Variants in BCAR1 observed in about 807,000 individuals in gnomAD.
The protein encoded by BCAR1 is breast cancer anti-estrogen resistance protein 1.
In BCAR1, 30 loss-of-function variants were observed where a neutral mutation model predicts 67.6. The ratio of observed to expected loss-of-function variants is 0.44; its 90% CI spans 0.33 to 0.60. BCAR1 has a LOEUF of 0.60. BCAR1 is among the 20% of genes least tolerant of loss of function. BCAR1 has a pLI of 0.02. For missense variants in BCAR1, 1,313 were observed against 1,222.3 expected (o/e 1.07, Z -1.11); for synonymous variants, 626 against 556.7 (o/e 1.12, Z -1.75).
chr16:75,253,107 G>A (rs962057308), upstream of BCAR1, among the ~76,000 whole-genome samples: 7 of 152,154 alleles, frequency 4.6e-5, no homozygotes, highest in South Asian at 6.2e-4. Flanking sequence ...GTGCCTCCCC[G>A]ACACAGCCCG....
chr16:75,245,260 A>T (rs1040338933), intron 1 of BCAR1, among the ~76,000 whole-genome samples: 1 of 152,256 alleles, frequency 6.6e-6, no homozygotes, highest in African/African-American at 2.4e-5. Context: ...TACACACCAC[A>T]GAGCTGCCCC....
intron 1 of BCAR1, among the ~76,000 whole-genome samples, chr16:75,258,761 C>A (rs2077833784): frequency 1.3e-5 from 2 of 152,258 alleles, no homozygotes; most frequent in African/African-American, 4.8e-5. Flanking sequence ...CAGGAGCACA[C>A]AGAAGAAACC....
At chr16:75,253,202 C>G (rs1410690108), upstream of BCAR1, among the ~76,000 whole-genome samples, 1 of 152,202 alleles carries the variant, frequency 6.6e-6, no homozygotes, top group Non-Finnish European at 1.5e-5. Flanking sequence ...TGCCGGGCCC[C>G]TCCTGCACCC....
At chr16:75,266,022 G>A (rs1412972609) in intron 1 of BCAR1, 4 of 1,021,316 alleles carry the variant, frequency 3.9e-6, no homozygotes, top group South Asian at 4.6e-5. Flanking sequence ...CGCCCGCGCC[G>A]CCCCCCCCAC....
At chr16:75,258,817 C>T (rs149279429) in intron 1 of BCAR1, among the ~76,000 whole-genome samples, 1 of 152,236 alleles carries the variant, frequency 6.6e-6, no homozygotes, top group African/African-American at 2.4e-5. Context: ...CTACCCTCCT[C>T]AGGCTTGGCT....
In BCAR1 at chr16:75,235,332, G is replaced by A. The variant is rs753693100; in HGVS notation, c.1567C>T (p.Arg523Cys). ...TGGGCAGCATTGCCCACCGCGCTGC[G>A]GGCAAACTCCAACAGCTCGTGGACG... ...SAVHELLEFARSAVGNAAHTS... is the reference protein window; with the variant it reads ...SAVHELLEFACSAVGNAAHTS... The change falls in exon 5 of 7, where the codon CGC becomes TGC. Residue 523 changes from arginine (R) to cysteine (C), a missense_variant. By Grantham distance (180) the Arg-to-Cys change is radical. Around this residue, in one of 2 missense-constraint regions of BCAR1, gnomAD observed 1,272 missense variants for 1,137.5 expected, o/e 1.12. Coordinates refer to ENST00000162330, the MANE Select transcript of BCAR1 (RefSeq NM_014567.5). 1.1e-5 allele frequency: 17 copies of A among 1,601,788 alleles called. No individual in the cohort carries two copies. The highest frequency in any genetic ancestry group is 1.7e-5 in the Admixed American group (1 of 59,830).
upstream of BCAR1, chr16:75,251,955 G>C (rs2077691762): frequency 1.0e-5 from 6 of 576,196 alleles, 1 homozygote; most frequent in South Asian, 1.3e-4. Context: ...AGGCTGCCCG[G>C]TTTGCCTTCT....
rs144029807 is a variant in BCAR1 at position 75,229,542 on chromosome 16, C to T, written c.2582G>A (p.Arg861His). The change falls in exon 7 of 7, where the codon CGC becomes CAC. Residue 861 changes from arginine to histidine, a missense_variant. Arg to His is a conservative substitution (Grantham distance 29, BLOSUM62 0). This residue lies in a region of BCAR1 where 1,272 missense variants were observed against 1,137.5 expected (regional missense o/e 1.12). Coordinates refer to ENST00000162330, the MANE Select transcript of BCAR1 (RefSeq NM_014567.5). Reference sequence around the variant, plus strand: ...GGCTGCCAGCTGGCCTAGGACGCGGCGGAACTGCTGGGTGCTGTGGCCCAG... The same window carrying T: ...GGCTGCCAGCTGGCCTAGGACGCGGTGGAACTGCTGGGTGCTGTGGCCCAG... ...KELGHSTQQF[R>H]RVLGQLAAA is the part of the protein sequence containing the mutation. 6.2e-5 allele frequency: 99 copies of T among 1,597,680 alleles called. No homozygotes were observed. The highest frequency in any genetic ancestry group is 3.7e-4 in the Admixed American group (22 of 59,252).
In BCAR1 at chr16:75,263,945, G is replaced by C. The variant is rs984778996; in HGVS notation, c.66+3970C>G. On this transcript the variant is annotated intron_variant, in intron 1 of 6. Transcript: ENST00000393422. Reference sequence around the variant, plus strand: ...ACACTGCCCAAGGTCCCAGGAGAGAGAGCCACGGTGATCTGCCAGCCAGCC... The same window carrying C: ...ACACTGCCCAAGGTCCCAGGAGAGACAGCCACGGTGATCTGCCAGCCAGCC... 14 of 1,115,662 alleles carry C rather than the reference G, an allele frequency of 1.3e-5. No homozygotes were observed. The East Asian group carries it at 6.4e-4, about 51-fold the overall frequency. The allele number at this position is 1,115,662 out of a possible 1,614,324, so 69.1% of individuals were successfully genotyped here.
At chr16:75,250,019 G>A (rs928810035) in intron 1 of BCAR1, 2 of 152,386 alleles carry the variant, frequency 1.3e-5, no homozygotes, top group Admixed American at 6.5e-5. Context: ...GGCCCCTCCT[G>A]TACAGACAGG....
At chr16:75,250,306 C>G (rs2077639077) in intron 1 of BCAR1, among the ~76,000 whole-genome samples, 1 of 152,132 alleles carries the variant, frequency 6.6e-6, no homozygotes, top group Non-Finnish European at 1.5e-5. Flanking sequence ...GTACCTGGGC[C>G]CCGATTCTCC....
At chr16:75,254,991 A>G (rs190656149), upstream of BCAR1, among the ~76,000 whole-genome samples, 5 of 152,316 alleles carry the variant, frequency 3.3e-5, no homozygotes, top group East Asian at 1.9e-4. Flanking sequence ...TTCTTGCTCA[A>G]TGCTCACCAA....
At chr16:75,266,796 T>C in intron 1 of BCAR1, 1 of 1,434,766 alleles carries the variant, frequency 7.0e-7, no homozygotes, top group Non-Finnish European at 9.3e-7. Flanking sequence ...CAAGTGGGGC[T>C]GGGGTCCAGA....
At position 75,229,538 on chromosome 16, in the gene BCAR1, G is replaced by A. The variant is rs773659357; in HGVS notation, c.2586C>T (p.Arg862=). ...ELGHSTQQFR[R]VLGQLAAA is the part of the protein sequence containing the mutation. The stretch of plus-strand genomic sequence containing the variant: ...AGGCGGCTGCCAGCTGGCCTAGGAC[G>A]CGGCGGAACTGCTGGGTGCTGTGGC... The change falls in exon 7 of 7, where the codon CGC becomes CGT. Residue 862 remains arginine, a synonymous_variant. Transcript: ENST00000162330. 4.0e-5 allele frequency: 64 copies of A among 1,594,482 alleles called. No homozygotes were observed. The highest frequency in any genetic ancestry group is 1.1e-4 in the African/African-American group (8 of 74,680).
chr16:75,241,327 T>C (rs558192558), intron 2 of BCAR1, among the ~76,000 whole-genome samples: 2 of 152,262 alleles, frequency 1.3e-5, no homozygotes, highest in Admixed American at 6.5e-5. Context: ...TTCGTGCATA[T>C]GGTGTGTGCA....
rs370186207 is a variant in BCAR1, at chr16:75,229,660, G to C, written c.2464C>G (p.Leu822Val). ...GTGGTGGCCACGATGCCGCGCAGGA[G>C]GTCGCACAGCAGGTTGCTGTAGTGG... ...VTHYSNLLCD[L>V]LRGIVATTKA... The change falls in exon 7 of 7, where the codon CTC becomes GTC. Residue 822 changes from leucine (L) to valine (V), a missense_variant. This residue lies in a region of BCAR1 where 1,272 missense variants were observed against 1,137.5 expected (regional missense o/e 1.12). Transcript: ENST00000162330. 1 of 1,612,840 alleles carries C rather than the reference G, an allele frequency of 6.2e-7. No homozygotes were observed. Among genetic ancestry groups the C allele is most frequent in the Non-Finnish European group, 8.5e-7 (1 of 1,179,934 alleles).
intron 2 of BCAR1, 150 bp downstream of exon 2, chr16:75,242,320 C>G (rs1334862861): frequency 2.4e-6 from 3 of 1,249,668 alleles, no homozygotes; most frequent in Non-Finnish European, 2.0e-6. Context: ...GAACACCCCC[C>G]AAACACTCAC....
intron 1 of BCAR1, chr16:75,264,202 G>A (rs1199799150): frequency 2.2e-6 from 3 of 1,345,502 alleles, no homozygotes; most frequent in Admixed American, 3.3e-5. Flanking sequence ...AAGGCAAGGG[G>A]TCAGGGTGCC....
chr16:75,256,482 G>A (rs1191469543), upstream of BCAR1, among the ~76,000 whole-genome samples: 2 of 150,496 alleles, frequency 1.3e-5, no homozygotes, highest in Non-Finnish European at 3.0e-5. Flanking sequence ...AGGTGTGTGG[G>A]CAGAGCTGCC....
Sources: allele counts gnomAD v4.1 joint callset (sites outside exome capture counted in the v4.1 genomes callset), GRCh38; gene constraint gnomAD v4.1.1; regional missense constraint gnomAD v4.1.1; transcripts MANE v1.5; gene names NCBI Gene and HGNC (gene_info 2026-07-23, HGNC 2026-07-21).